Variants in CACNA1E observed in about 807,000 individuals in gnomAD.
CACNA1E encodes voltage-dependent R-type calcium channel subunit alpha-1E.
In CACNA1E, 40 loss-of-function variants were observed where a neutral mutation model predicts 259.2. The observed-to-expected ratio is 0.15, with a 90% CI of 0.12 to 0.20. The LOEUF is 0.20. Ranked by LOEUF, CACNA1E falls within the 10% of genes least tolerant of loss-of-function variation. The pLI is 1.00. For missense variants in CACNA1E, 1,874 were observed against 3,040.1 expected, an observed-to-expected ratio of 0.62 and a Z score of 9.02; for synonymous variants, 1,104 against 1,138.5, an observed-to-expected ratio of 0.97 and a Z score of 0.61.
At chr1:181,602,648 G>C (rs1472472779) in intron 6 of CACNA1E, among the ~76,000 whole-genome samples, 3 of 152,250 alleles carry the variant, frequency 2.0e-5, no homozygotes, top group East Asian at 1.9e-4. Flanking sequence ...CTTTGCACTA[G>C]GCCCTTTGGT....
chr1:181,484,067 G>A, intron 1 of CACNA1E, 57 bp downstream of exon 1: 1 of 1,533,466 alleles, frequency 6.5e-7, no homozygotes, highest in South Asian at 1.2e-5. Flanking sequence ...TTCGGGTGAA[G>A]GGGGGTACCT....
intron 1 of CACNA1E, among the ~76,000 whole-genome samples, chr1:181,492,703 A>C (rs1197253248): frequency 1.3e-5 from 2 of 152,062 alleles, no homozygotes; most frequent in Non-Finnish European, 2.9e-5. Context: ...TTTCCAAGAG[A>C]GCTTTCAATA....
intron 7 of CACNA1E, among the ~76,000 whole-genome samples, chr1:181,690,883 G>A (rs1473894145): frequency 6.6e-6 from 1 of 151,638 alleles, no homozygotes; most frequent in Non-Finnish European, 1.5e-5. Flanking sequence ...CTACATAGAC[G>A]ACTTCTTTAA....
intron 8 of CACNA1E, 131 bp from the exon 9 acceptor site, chr1:181,715,207 G>A: frequency 1.6e-6 from 1 of 631,076 alleles, no homozygotes. Flanking sequence ...TCTGATGCTG[G>A]TGCCTGTGAC....
Position 181,413,242 on chromosome 1 carries a change from CCGCCG to C in CACNA1E, c.98_102del (p.Arg33ProfsTer187). ...GGAGCCCTGAGCCCAGGTCCGCGGG[CCGCCG>C]CCAACGCCACGTCCTGGCCCTGCCG... On this transcript the variant is annotated frameshift_variant, in exon 2 of 12. Transcript: ENST00000524607. LOFTEE classifies it high-confidence loss of function. 1 of 152,826 alleles carries C rather than the reference CCGCCG, an allele frequency of 6.5e-6. No homozygotes were observed. The highest frequency in any genetic ancestry group is 1.5e-5 in the Non-Finnish European group (1 of 68,212). The allele number at this position is 152,826 out of a possible 1,614,324, so 9.5% of individuals were successfully genotyped here.
intron 1 of CACNA1E, among the ~76,000 whole-genome samples, chr1:181,330,831 T>A (rs1156449641): frequency 6.6e-6 from 1 of 152,232 alleles, no homozygotes; most frequent in Admixed American, 6.5e-5. Flanking sequence ...CTCAGTTTCC[T>A]TGATGTATGT....
intron 1 of CACNA1E, among the ~76,000 whole-genome samples, chr1:181,351,903 T>C (rs1477607004): frequency 1.3e-5 from 2 of 152,198 alleles, no homozygotes; most frequent in African/African-American, 4.8e-5. Context: ...TTCTGGAGAC[T>C]GGAATGCGAG....
At position 181,578,002 on chromosome 1, in the gene CACNA1E, T is replaced by C. The variant is rs1040133191; in HGVS notation, c.616+133T>C. 21 of 526,044 alleles carry C rather than the reference T, an allele frequency of 4.0e-5. No individual in the cohort carries two copies. The East Asian group carries it at 6.4e-4, about 16-fold the overall frequency. 32.6% of individuals were successfully genotyped at this position (526,044 alleles called of 1,614,324 possible). A position where few individuals can be genotyped will look rare whatever the true frequency, so the allele number is the denominator to read the frequency against. On this transcript the variant is annotated intron_variant, in intron 4 of 47. Coordinates refer to ENST00000367573, the MANE Select transcript of CACNA1E (RefSeq NM_001205293.3). ...AGGAAGCCTCAGTGGTAATAAATAGTGGAGATGGAGCAATCTGGTGTAACA... is the reference window on the plus strand; with the variant it reads ...AGGAAGCCTCAGTGGTAATAAATAGCGGAGATGGAGCAATCTGGTGTAACA...
At chr1:181,645,249 C>T (rs1658158594) in intron 6 of CACNA1E, among the ~76,000 whole-genome samples, 2 of 152,018 alleles carry the variant, frequency 1.3e-5, no homozygotes, top group Admixed American at 6.6e-5. Flanking sequence ...GATAGTGTGC[C>T]TAGGAAGGGA....
rs187650141 is a variant in CACNA1E at position 181,720,902 on chromosome 1, G to A, written c.1956+47G>A. ...CACAAGTGCTGCATGGGGTCCCTTG[G>A]ACTGCACACTGCAAGACAAGGATGA... On this transcript the variant is annotated intron_variant, in intron 15 of 47. Coordinates refer to ENST00000367573, the MANE Select transcript of CACNA1E (RefSeq NM_001205293.3). 4,589 of 1,161,380 alleles carry A rather than the reference G, an allele frequency of 4.0e-3. 18 individuals are homozygous for A. The highest frequency in any genetic ancestry group is 7.1e-3 in the Middle Eastern group (37 of 5,242). The allele number at this position is 1,161,380 out of a possible 1,614,324, so 71.9% of individuals were successfully genotyped here. A position where few individuals can be genotyped will look rare whatever the true frequency, so the allele number is the denominator to read the frequency against.
intron 37 of CACNA1E, among the ~76,000 whole-genome samples, chr1:181,774,904 T>C (rs566101792): frequency 1.3e-5 from 2 of 152,266 alleles, no homozygotes; most frequent in South Asian, 4.2e-4. Flanking sequence ...TAAATCTGCT[T>C]CAGTAAAGTG....
At chr1:181,627,062 T>C (rs1196570719) in intron 6 of CACNA1E, among the ~76,000 whole-genome samples, 1 of 152,228 alleles carries the variant, frequency 6.6e-6, no homozygotes, top group Non-Finnish European at 1.5e-5. Context: ...TCTGTACTTC[T>C]AAATGTTCAT....
intron 2 of CACNA1E, 29 bp downstream of exon 2, chr1:181,510,611 G>T: frequency 7.1e-7 from 1 of 1,410,878 alleles, no homozygotes; most frequent in Non-Finnish European, 1.0e-6. Flanking sequence ...TCTCCCCTTT[G>T]CCCCTTTTGT....
At chr1:181,364,894 C>T (rs114047727) in intron 1 of CACNA1E, among the ~76,000 whole-genome samples, 35 of 152,294 alleles carry the variant, frequency 2.3e-4, no homozygotes, top group African/African-American at 7.2e-4. Context: ...TTCCTGCTCC[C>T]CTGCCCATGG....
intron 1 of CACNA1E, among the ~76,000 whole-genome samples, chr1:181,385,169 T>G (rs1655750438): frequency 6.6e-6 from 1 of 152,202 alleles, no homozygotes; most frequent in Non-Finnish European, 1.5e-5. Flanking sequence ...CTCTTCTCCT[T>G]TCATCTATAA....
At chr1:181,559,738 A>G (rs1649119697) in intron 3 of CACNA1E, among the ~76,000 whole-genome samples, 1 of 152,176 alleles carries the variant, frequency 6.6e-6, no homozygotes. Flanking sequence ...CTGGGTAGGT[A>G]GAGGGTACAA....
chr1:181,625,125 G>C (rs974679520), intron 6 of CACNA1E, among the ~76,000 whole-genome samples: 1 of 145,486 alleles, frequency 6.9e-6, no homozygotes, highest in Non-Finnish European at 1.5e-5. Flanking sequence ...GCTGTAAACA[G>C]ATGTTCTGTC....
chr1:181,420,073 A>G (rs1292433170), intron 2 of CACNA1E, among the ~76,000 whole-genome samples: 1 of 152,094 alleles, frequency 6.6e-6, no homozygotes, highest in Non-Finnish European at 1.5e-5. Flanking sequence ...CCCTGACAGC[A>G]TCTTGCTCCT....
chr1:181,531,951 G>T (rs535236291), intron 3 of CACNA1E, among the ~76,000 whole-genome samples: 1 of 152,342 alleles, frequency 6.6e-6, no homozygotes, highest in Middle Eastern at 3.4e-3. Flanking sequence ...AGCTACTCAG[G>T]AGGCTGAGGC....
Sources: allele counts gnomAD v4.1 joint callset (sites outside exome capture counted in the v4.1 genomes callset), GRCh38; gene constraint gnomAD v4.1.1; transcripts MANE v1.5; gene names NCBI Gene and HGNC (gene_info 2026-07-23, HGNC 2026-07-21).